Variants in IGDCC3 observed in about 807,000 individuals in gnomAD.
IGDCC3 encodes putative neuronal cell adhesion molecule.
A neutral mutation model predicts 72.0 loss-of-function variants in IGDCC3; 47 were observed. That is an observed-to-expected ratio of 0.65 (90% CI 0.52 to 0.83). The LOEUF (loss-of-function observed/expected upper bound fraction) is 0.83, where lower values mean the gene tolerates loss of function less well. Ranked by LOEUF, IGDCC3 falls within the 40% of genes least tolerant of loss-of-function variation. The pLI, the probability that IGDCC3 is intolerant of heterozygous loss-of-function variation, is 0.00. For synonymous variants in IGDCC3, 477 were observed against 472.8 expected, an observed-to-expected ratio of 1.01 and a Z score of -0.11; for missense variants, 1,038 against 1,091.3, an observed-to-expected ratio of 0.95 and a Z score of 0.69.
rs1379268693 is a variant in IGDCC3, at chr15:65,333,245, GC to G, written c.982+11del. 1.9e-6 allele frequency: 3 copies of G among 1,592,000 alleles called. No individual in the cohort carries two copies. The highest frequency in any genetic ancestry group is 1.7e-5 in the Admixed American group (1 of 58,180). ...ATCCCTGCCCTCCTCCTCAGGGTTG[GC>G]TGATCCATACCTTGCACCACCAGCC... On this transcript the variant is annotated intron_variant, in intron 6 of 13. Transcript: ENST00000327987.
At chr15:65,333,896 A>G (rs1185141245) in intron 5 of IGDCC3, among the ~76,000 whole-genome samples, 2 of 152,022 alleles carry the variant, frequency 1.3e-5, no homozygotes, top group African/African-American at 4.8e-5. Flanking sequence ...ATGCTTTGGG[A>G]AATGTTGGAC....
intron 2 of IGDCC3, among the ~76,000 whole-genome samples, chr15:65,348,421 C>A (rs184598054): frequency 2.4e-4 from 36 of 152,222 alleles, no homozygotes; most frequent in Non-Finnish European, 3.5e-4. Context: ...AATCGCTGAC[C>A]CAACAGCTAC....
intron 2 of IGDCC3, among the ~76,000 whole-genome samples, chr15:65,361,280 T>A (rs1305854971): frequency 3.7e-4 from 55 of 147,828 alleles, no homozygotes; most frequent in African/African-American, 1.2e-3. Flanking sequence ...ATAATAATAA[T>A]AATAAAAAAA....
At position 65,377,958 on chromosome 15, in the gene IGDCC3, G is replaced by A. The variant is rs1409260592; in HGVS notation, c.-170C>T. On this transcript the variant is annotated 5_prime_UTR_variant, in exon 1 of 14. Coordinates refer to ENST00000327987, the MANE Select transcript of IGDCC3 (RefSeq NM_004884.4). The surrounding 1 kb of genome is among the most constrained non-coding windows in gnomAD (Gnocchi z 4.9). ...TGCTCAGCAGCGCGGGGGGCGCAGG[G>A]GGAGCGCCGCTTGCGCCATCTTGCA... The A allele has an allele frequency of 1.9e-6, 1 of 520,662 alleles. No homozygotes were observed. The highest frequency in any genetic ancestry group is 2.5e-6 in the Non-Finnish European group (1 of 401,032). The allele number at this position is 520,662 out of a possible 1,614,324, so 32.3% of individuals were successfully genotyped here. A position where few individuals can be genotyped will look rare whatever the true frequency, so the allele number is the denominator to read the frequency against.
chr15:65,377,865 C>CGCCGGG lies in IGDCC3; in HGVS notation c.-83_-78dup, dbSNP rs1247075764. Reference sequence around the variant, plus strand: ...GGCTCACAGCGTCCCGCGGGGCCGGCGCCGGGGCCGGGGCTGGGGCTCCGG... The same window carrying CGCCGGG: ...GGCTCACAGCGTCCCGCGGGGCCGGCGCCGGGGCCGGGGCCGGGGCTGGGGCTCCGG... On this transcript the variant is annotated 5_prime_UTR_variant, in exon 1 of 14. Transcript: ENST00000327987. This position sits in a 1 kb window ranked among gnomAD's most constrained non-coding sequence, Gnocchi z 4.9. 5 of 1,062,180 alleles carry CGCCGGG rather than the reference C, an allele frequency of 4.7e-6. No homozygotes were observed. Among genetic ancestry groups the CGCCGGG allele is most frequent in the Middle Eastern group, 4.3e-4 (1 of 2,334 alleles). 65.8% of individuals were successfully genotyped at this position (1,062,180 alleles called of 1,614,324 possible). A position where few individuals can be genotyped will look rare whatever the true frequency, so the allele number is the denominator to read the frequency against.
In IGDCC3 at chr15:65,329,516, G is replaced by A. The variant is rs777257209; in HGVS notation, c.2079C>T (p.Ala693=). 1 of 1,606,690 alleles carries A rather than the reference G, an allele frequency of 6.2e-7. No homozygotes were observed. Among genetic ancestry groups the A allele is most frequent in the Non-Finnish European group, 8.5e-7 (1 of 1,178,210 alleles). The change falls in exon 13 of 14, where the codon GCC becomes GCT. Residue 693 remains alanine (A), a synonymous_variant. Coordinates refer to ENST00000327987, the MANE Select transcript of IGDCC3 (RefSeq NM_004884.4). This position sits in a 1 kb window ranked among gnomAD's most constrained non-coding sequence, Gnocchi z 4.1. The part of the protein sequence containing the change: ...PRSQRDPGIL[A]LNGARRGQRG... ...GCTGTCCCCGTCTCGCCCCATTTAG[G>A]GCTAGAATGCCAGGGTCCCTCTGGC...
At chr15:65,360,842 C>G (rs2091255561) in intron 2 of IGDCC3, among the ~76,000 whole-genome samples, 1 of 152,152 alleles carries the variant, frequency 6.6e-6, no homozygotes, top group South Asian at 2.1e-4. Context: ...GTGGTGCAAT[C>G]TCAGCTCACT....
chr15:65,332,232 C>G, intron 6 of IGDCC3, 126 bp from the exon 7 acceptor site: 2 of 1,151,404 alleles, frequency 1.7e-6, no homozygotes, highest in Non-Finnish European at 2.4e-6. Flanking sequence ...CACACATCTG[C>G]CCCCTGGAGA....
chr15:65,362,066 C>G (rs2091265502), intron 2 of IGDCC3, among the ~76,000 whole-genome samples: 1 of 151,146 alleles, frequency 6.6e-6, no homozygotes, highest in Non-Finnish European at 1.5e-5. Flanking sequence ...GCGCTATTCT[C>G]AAAACTTTCA....
chr15:65,374,864 A>G (rs148321224), intron 2 of IGDCC3, among the ~76,000 whole-genome samples: 16 of 152,308 alleles, frequency 1.1e-4, no homozygotes, highest in African/African-American at 2.6e-4. Context: ...CGACTCCCCT[A>G]TGGGTGTTTG....
At chr15:65,368,144 ACTCT>A (rs969810665) in intron 2 of IGDCC3, among the ~76,000 whole-genome samples, 4 of 128,506 alleles carry the variant, frequency 3.1e-5, no homozygotes, top group South Asian at 2.7e-4. Context: ...ACTGTGGAAA[ACTCT>A]CTCTCTTTCA....
intron 4 of IGDCC3, 115 bp from the exon 5 acceptor site, chr15:65,334,980 TC>T: frequency 8.0e-7 from 1 of 1,245,416 alleles, no homozygotes; most frequent in Non-Finnish European, 1.1e-6. Context: ...AGAAACCAGG[TC>T]CTGTGGGCAG....
chr15:65,359,596 G>A (rs1219292034), intron 2 of IGDCC3, among the ~76,000 whole-genome samples: 1 of 152,194 alleles, frequency 6.6e-6, no homozygotes, highest in African/African-American at 2.4e-5. Flanking sequence ...CTGTGACTTA[G>A]CCTTTTCTCC....
At chr15:65,349,738 T>C (rs1459912074) in intron 2 of IGDCC3, among the ~76,000 whole-genome samples, 1 of 152,222 alleles carries the variant, frequency 6.6e-6, no homozygotes, top group Non-Finnish European at 1.5e-5. Context: ...TCTTTTGGTC[T>C]CTGGCTTCAG....
chr15:65,371,557 G>A (rs1321968567), intron 2 of IGDCC3, among the ~76,000 whole-genome samples: 6 of 152,186 alleles, frequency 3.9e-5, no homozygotes, highest in Admixed American at 3.9e-4. Context: ...TCAGTCCTTG[G>A]CCTAGAATTA....
intron 2 of IGDCC3, among the ~76,000 whole-genome samples, chr15:65,341,096 T>C (rs979776000): frequency 2.0e-5 from 3 of 152,162 alleles, no homozygotes; most frequent in Non-Finnish European, 4.4e-5. Context: ...TGAGATGGGC[T>C]GTAAGTATCA....
At chr15:65,371,935 G>A (rs1244912963) in intron 2 of IGDCC3, among the ~76,000 whole-genome samples, 1 of 152,186 alleles carries the variant, frequency 6.6e-6, no homozygotes, top group African/African-American at 2.4e-5. Flanking sequence ...CTCCCAGGAA[G>A]GGGTTAAAAC....
rs1160782050 is a variant in IGDCC3 at position 65,377,718 on chromosome 15, A to G, written c.71T>C (p.Leu24Pro). 2 of 1,384,520 alleles carry G rather than the reference A, an allele frequency of 1.4e-6. No homozygotes were observed. Among genetic ancestry groups the G allele is most frequent in the Non-Finnish European group, 1.9e-6 (2 of 1,072,666 alleles). The allele number at this position is 1,384,520 out of a possible 1,614,324, so 85.8% of individuals were successfully genotyped here. A position where few individuals can be genotyped will look rare whatever the true frequency, so the allele number is the denominator to read the frequency against. The change falls in exon 1 of 14, where the codon CTG (leucine) becomes CCG (proline). Residue 24 changes from leucine to proline, a missense_variant. Coordinates refer to ENST00000327987, the MANE Select transcript of IGDCC3 (RefSeq NM_004884.4). This position sits in a 1 kb window ranked among gnomAD's most constrained non-coding sequence, Gnocchi z 4.9. ...APLWPRLLLP[L>P]LLLLLPAPSE... is the part of the protein sequence containing the mutation. Reference sequence around the variant, plus strand: ...CGGCGCGGGCAGCAGCAGCAACAGCAGCGGCAGCAGGAGCCGGGGCCAGAG... The same window carrying G: ...CGGCGCGGGCAGCAGCAGCAACAGCGGCGGCAGCAGGAGCCGGGGCCAGAG...
At chr15:65,333,652 C>T (rs1267280308) in intron 5 of IGDCC3, among the ~76,000 whole-genome samples, 3 of 152,194 alleles carry the variant, frequency 2.0e-5, no homozygotes, top group African/African-American at 7.2e-5. Flanking sequence ...CACTGACTCA[C>T]GGGCCACCTG....
Sources: gnomAD v4.1 joint callset for allele counts (sites outside exome capture counted in the v4.1 genomes callset) on GRCh38, gnomAD v4.1.1 for gene constraint, Gnocchi (gnomAD v3.1) non-coding constraint, MANE v1.5 for transcripts, NCBI Gene and HGNC (gene_info 2026-07-23, HGNC 2026-07-21) for gene names.